The following SLC35F3 variants were observed in gnomAD, a reference collection of about 807,000 sequenced individuals.
The protein encoded by SLC35F3 is solute carrier family 35 member F3.
In SLC35F3, 25 loss-of-function variants were observed where a neutral mutation model predicts 49.9. The ratio of observed to expected loss-of-function variants is 0.50; its 90% CI spans 0.37 to 0.70. The LOEUF is 0.70. Among genes scored for constraint, SLC35F3 ranks in the 30% least tolerant of loss-of-function variants. The pLI is 0.00. For missense variants in SLC35F3, 525 were observed against 639.8 expected (o/e 0.82, Z 1.94); for synonymous variants, 275 against 265.4 (o/e 1.04, Z -0.35).
At chr1:233,996,739 C>G (rs1663467359) in intron 2 of SLC35F3, among the ~76,000 whole-genome samples, 1 of 152,208 alleles carries the variant, frequency 6.6e-6, no homozygotes, top group Non-Finnish European at 1.5e-5. Context: ...GGACCAGGCT[C>G]TGTGCCGAAT....
chr1:234,011,879 A>G (rs867233900), intron 2 of SLC35F3, among the ~76,000 whole-genome samples: 4 of 152,308 alleles, frequency 2.6e-5, no homozygotes, highest in Admixed American at 6.5e-5. Flanking sequence ...CTGAGAAAAG[A>G]AATAAGACAC....
intron 2 of SLC35F3, among the ~76,000 whole-genome samples, chr1:234,049,042 C>G (rs80268769): frequency 9.2e-5 from 14 of 152,272 alleles, no homozygotes; most frequent in Non-Finnish European, 1.9e-4. Flanking sequence ...TCAACTATAT[C>G]TGATTTAAAT....
intron 2 of SLC35F3, among the ~76,000 whole-genome samples, chr1:233,968,443 T>A (rs1662935102): frequency 6.6e-6 from 1 of 152,016 alleles, no homozygotes; most frequent in Non-Finnish European, 1.5e-5. Context: ...GGTATACAAA[T>A]GTGAGCATAG....
intron 2 of SLC35F3, among the ~76,000 whole-genome samples, chr1:233,937,216 T>C (rs920095537): frequency 7.2e-5 from 11 of 152,290 alleles, no homozygotes; most frequent in African/African-American, 2.6e-4. Context: ...TCATGGTAAA[T>C]TAGGGTGCTG....
intron 2 of SLC35F3, among the ~76,000 whole-genome samples, chr1:234,106,015 C>T (rs1489491557): frequency 6.6e-6 from 1 of 152,204 alleles, no homozygotes; most frequent in Non-Finnish European, 1.5e-5. Flanking sequence ...TGCAGCCAAC[C>T]CACAGCAGAC....
intron 2 of SLC35F3, among the ~76,000 whole-genome samples, chr1:234,137,948 G>T (rs577773645): frequency 6.6e-6 from 1 of 152,302 alleles, no homozygotes; most frequent in South Asian, 2.1e-4. Context: ...GTGGGGCAGA[G>T]GGTGGTGATG....
intron 2 of SLC35F3, among the ~76,000 whole-genome samples, chr1:234,102,987 A>T (rs903166088): frequency 1.3e-5 from 2 of 152,226 alleles, no homozygotes; most frequent in African/African-American, 4.8e-5. Context: ...AATCAACATT[A>T]TGCAAAGTTC....
At chr1:234,001,267 T>C (rs1663550026) in intron 2 of SLC35F3, among the ~76,000 whole-genome samples, 1 of 152,210 alleles carries the variant, frequency 6.6e-6, no homozygotes, top group South Asian at 2.1e-4. Flanking sequence ...TTCTTTTTAA[T>C]GTATCAAGGA....
intron 2 of SLC35F3, among the ~76,000 whole-genome samples, chr1:234,082,638 C>T (rs548429965): frequency 2.0e-5 from 3 of 152,278 alleles, no homozygotes; most frequent in African/African-American, 4.8e-5. Context: ...CTGATGAAGA[C>T]ATACCCAAGA....
At chr1:234,138,470 C>T (rs112873528) in intron 2 of SLC35F3, among the ~76,000 whole-genome samples, 15 of 152,056 alleles carry the variant, frequency 9.9e-5, no homozygotes, top group Non-Finnish European at 1.8e-4. Flanking sequence ...TGAGAAGGAC[C>T]AAGAGAAGAG....
chr1:234,055,456 C>T (rs762740530), intron 2 of SLC35F3, among the ~76,000 whole-genome samples: 2 of 152,220 alleles, frequency 1.3e-5, no homozygotes, highest in Non-Finnish European at 1.5e-5. Context: ...CCCTCCTAGC[C>T]ATGCATGGGA....
intron 2 of SLC35F3, among the ~76,000 whole-genome samples, chr1:234,203,906 T>C (rs1358993249): frequency 6.6e-6 from 1 of 152,208 alleles, no homozygotes; most frequent in Non-Finnish European, 1.5e-5. Flanking sequence ...TAGGTATAGA[T>C]AATATGTAGC....
At chr1:234,072,720 T>A (rs1193287109) in intron 2 of SLC35F3, among the ~76,000 whole-genome samples, 1 of 152,026 alleles carries the variant, frequency 6.6e-6, no homozygotes, top group Non-Finnish European at 1.5e-5. Flanking sequence ...CTTGAAGTGT[T>A]TGGGGAACAG....
intron 2 of SLC35F3, among the ~76,000 whole-genome samples, chr1:233,959,769 T>TGG (rs1662763992): frequency 6.6e-6 from 1 of 152,104 alleles, no homozygotes; most frequent in African/African-American, 2.4e-5. Context: ...GGTGGCAGAG[T>TGG]GGGGATTAGA....
chr1:234,308,147 G>C (rs1187563507), intron 3 of SLC35F3, among the ~76,000 whole-genome samples: 2 of 152,156 alleles, frequency 1.3e-5, no homozygotes, highest in Non-Finnish European at 2.9e-5. Flanking sequence ...TAGTGTCTTA[G>C]AGAAGTGGGG....
chr1:234,218,053 G>T (rs1667149783), intron 2 of SLC35F3, among the ~76,000 whole-genome samples: 1 of 152,188 alleles, frequency 6.6e-6, no homozygotes, highest in African/African-American at 2.4e-5. Flanking sequence ...TTAGATAGGG[G>T]TTAAGGTTTG....
At chr1:234,184,942 A>T (rs1666619176) in intron 2 of SLC35F3, among the ~76,000 whole-genome samples, 1 of 152,216 alleles carries the variant, frequency 6.6e-6, no homozygotes, top group South Asian at 2.1e-4. Context: ...ACTGCATTTT[A>T]ACAAGATCTT....
rs77047219 is a variant in SLC35F3 at position 233,974,380 on chromosome 1, C to G, written c.283+68622C>G. On this transcript the variant is annotated intron_variant, in intron 2 of 7. Transcript: ENST00000366618. ...TGTATTTTTAGTAGACGTAGTTTCTCCATGTTGGCCAGGCTGGTCTCAAAC... is the reference window on the plus strand; with the variant it reads ...TGTATTTTTAGTAGACGTAGTTTCTGCATGTTGGCCAGGCTGGTCTCAAAC... Among the ~76,000 whole-genome samples the G allele has an allele frequency of 4.2e-4, 64 of 152,064 alleles. 2 individuals are homozygous for G. In the East Asian group the frequency reaches 5.8e-3, roughly 14 times the overall value.
intron 3 of SLC35F3, among the ~76,000 whole-genome samples, chr1:234,244,286 C>T (rs1369944638): frequency 6.6e-6 from 1 of 152,106 alleles, no homozygotes; most frequent in Admixed American, 6.5e-5. Flanking sequence ...AATCTTTGAA[C>T]ACCACAAGGA....
Sources: allele counts gnomAD v4.1 joint callset (sites outside exome capture counted in the v4.1 genomes callset), GRCh38; gene constraint gnomAD v4.1.1; transcripts MANE v1.5; gene names NCBI Gene and HGNC (gene_info 2026-07-23, HGNC 2026-07-21).